CFAP251: variants seen among roughly 807,000 people sequenced by gnomAD.
CFAP251 encodes the protein cilia and flagella associated protein 251, also known as cilia- and flagella-associated protein 251.
CFAP251 carries 93 observed loss-of-function variants against 126.7 expected under a neutral mutation model. The ratio of observed to expected loss-of-function variants is 0.73; its 90% CI spans 0.62 to 0.87. CFAP251 has a LOEUF of 0.87. Ranked by LOEUF, CFAP251 falls within the 40% of genes least tolerant of loss-of-function variation. The pLI is 0.00. For synonymous variants in CFAP251, 503 were observed against 506.9 expected (o/e 0.99, Z 0.10); for missense variants, 1,287 against 1,389.2 (o/e 0.93, Z 1.17).
At chr12:121,957,703 C>CAAAAA (rs11416000) in intron 11 of CFAP251, among the ~76,000 whole-genome samples, 1 of 110,926 alleles carries the variant, frequency 9.0e-6, no homozygotes, top group African/African-American at 3.5e-5. Context: ...GACTCTGTCT[C>CAAAAA]AAAAAAAAAA....
At chr12:121,961,071 TCACTAA>T (rs2135785003) in intron 14 of CFAP251, among the ~76,000 whole-genome samples, 1 of 152,168 alleles carries the variant, frequency 6.6e-6, no homozygotes, top group Admixed American at 6.5e-5. Flanking sequence ...GGGCTGACAC[TCACTAA>T]CACTGTCTTC....
chr12:121,967,875 C>T (rs1362521702), intron 16 of CFAP251, 131 bp from the exon 17 acceptor site: 2 of 838,140 alleles, frequency 2.4e-6, no homozygotes, highest in African/African-American at 3.4e-5. Flanking sequence ...ATGTGGCTCT[C>T]ACACTCAGAG....
chr12:121,946,554 T>C lies in CFAP251; in HGVS notation c.1192-2430T>C, dbSNP rs79129447. 1.3e-3 allele frequency among the ~76,000 whole-genome samples: 195 copies of C among 152,304 alleles called. 5 individuals carry two copies. In the East Asian group the frequency reaches 0.035, roughly 28 times the overall value. ...CTCTCTCCTTGGCCCCCAGCTGATT[T>C]TACAGATTTTTCCCTTGGTTTTCAG... On this transcript the variant is annotated intron_variant, in intron 7 of 21. Transcript: ENST00000288912.
chr12:121,959,193 T>A (rs1435629027), intron 13 of CFAP251, 99 bp downstream of exon 13: 1 of 1,275,254 alleles, frequency 7.8e-7, no homozygotes, highest in Non-Finnish European at 1.1e-6. Flanking sequence ...TCCCAATGAT[T>A]TGGGAGGCCG....
chr12:121,975,663 G>C lies in CFAP251; in HGVS notation c.2984G>C (p.Gly995Ala). 1 of 1,587,060 alleles carries C rather than the reference G, an allele frequency of 6.3e-7. No individual in the cohort carries two copies. Among genetic ancestry groups the C allele is most frequent in the South Asian group, 1.2e-5 (1 of 86,114 alleles). The change falls in exon 19 of 22, where the codon GGC (glycine) becomes GCC (alanine). Residue 995 changes from glycine to alanine, a missense_variant. By Grantham distance (60) the Gly-to-Ala change is moderately conservative. Transcript: ENST00000288912. ...SELPFVMRAIGFYPSEEKIDD... is the reference protein window; with the variant it reads ...SELPFVMRAIAFYPSEEKIDD... The stretch of plus-strand genomic sequence containing the variant: ...CTTCCTTTTGTCATGAGAGCAATTG[G>C]CTTTTACCCATCTGAAGAGAAGGTA...
At chr12:121,933,022 T>C (rs1216153639) in intron 4 of CFAP251, 1 of 152,286 alleles carries the variant, frequency 6.6e-6, no homozygotes, top group African/African-American at 2.4e-5. Context: ...GTTTCACAAA[T>C]AGTTATAGCT....
intron 5 of CFAP251, among the ~76,000 whole-genome samples, chr12:121,934,830 AGGG>A (rs1866847969): frequency 6.6e-6 from 1 of 152,222 alleles, no homozygotes; most frequent in Non-Finnish European, 1.5e-5. Context: ...TAGTACAGAC[AGGG>A]TCTCGCTCCA....
At chr12:121,978,494 T>TA (rs1882538328) in intron 19 of CFAP251, among the ~76,000 whole-genome samples, 1 of 150,206 alleles carries the variant, frequency 6.7e-6, no homozygotes, top group Non-Finnish European at 1.5e-5. Flanking sequence ...AATAGAATTA[T>TA]AAAGAAGAAA....
At chr12:121,929,744 C>T (rs562214637) in intron 3 of CFAP251, among the ~76,000 whole-genome samples, 1 of 151,328 alleles carries the variant, frequency 6.6e-6, no homozygotes, top group Non-Finnish European at 1.5e-5. Flanking sequence ...ATGGCGTGAT[C>T]TCAGCTTGCT....
At chr12:121,950,382 T>G (rs533163472) in intron 8 of CFAP251, 1 of 152,164 alleles carries the variant, frequency 6.6e-6, no homozygotes, top group Non-Finnish European at 1.5e-5. Context: ...TGGATCTAGA[T>G]GGTTGCTCAG....
intron 19 of CFAP251, among the ~76,000 whole-genome samples, chr12:121,983,338 A>C (rs563846900): frequency 1.5e-5 from 2 of 132,408 alleles, no homozygotes; most frequent in African/African-American, 5.0e-5. Context: ...AGGCTGCAGC[A>C]TGCTATGATC....
chr12:121,999,982 G>T, intron 20 of CFAP251, 38 bp downstream of exon 20: 3 of 1,549,944 alleles, frequency 1.9e-6, no homozygotes, highest in Non-Finnish European at 2.7e-6. Context: ...AACATCCTGG[G>T]GCCATTCCCA....
At chr12:121,986,640 C>CTGAA (rs1438242132) in intron 19 of CFAP251, among the ~76,000 whole-genome samples, 1 of 149,452 alleles carries the variant, frequency 6.7e-6, no homozygotes, top group Admixed American at 6.6e-5. Flanking sequence ...TGGCTCACGC[C>CTGAA]TGAAGTCCCA....
chr12:121,993,113 G>T (rs1436249401), intron 19 of CFAP251, among the ~76,000 whole-genome samples: 4 of 140,100 alleles, frequency 2.9e-5, no homozygotes, highest in Non-Finnish European at 3.1e-5. Flanking sequence ...GAGTGCCTGC[G>T]ATTGCAGGCA....
At chr12:121,942,874 T>C (rs769500489) in intron 6 of CFAP251, 21 bp from the exon 7 acceptor site, 94 of 1,613,440 alleles carry the variant, frequency 5.8e-5, no homozygotes, top group Non-Finnish European at 7.5e-5. Context: ...CTCATGCCCC[T>C]CTCTCTACTG....
chr12:121,952,071 G>A (rs779751194), intron 9 of CFAP251, among the ~76,000 whole-genome samples: 1 of 151,546 alleles, frequency 6.6e-6, no homozygotes, highest in African/African-American at 2.4e-5. Context: ...ATATAAAAAC[G>A]TGATGGCTTT....
intron 19 of CFAP251, among the ~76,000 whole-genome samples, chr12:121,993,972 TGGGGG>T (rs1402737647): frequency 3.1e-5 from 1 of 32,394 alleles, no homozygotes; most frequent in Admixed American, 2.9e-4. Context: ...GGGAGGGAGG[TGGGGG>T]GGTCAGCCCC....
At position 121,999,903 on chromosome 12, in the gene CFAP251, C is replaced by A. The variant is rs777437468; in HGVS notation, c.3194C>A (p.Ala1065Asp). 2 of 1,613,848 alleles carry A rather than the reference C, an allele frequency of 1.2e-6. No homozygotes were observed. Among genetic ancestry groups the A allele is most frequent in the Non-Finnish European group, 1.7e-6 (2 of 1,179,854 alleles). ...TATACCAACTCCAAAGGGAAAAAGG[C>A]CATTCGAAGAGAGGACTTCCTGAGA... ...LGYTNSKGKKAIRREDFLRLL... is the reference protein window; with the variant it reads ...LGYTNSKGKKDIRREDFLRLL... Residue 1065 changes from alanine (A) to aspartate (D), a missense_variant, in exon 20 of 22, where the codon GCC (alanine) becomes GAC (aspartate). Transcript: ENST00000288912.
intron 17 of CFAP251, among the ~76,000 whole-genome samples, chr12:121,968,493 G>A (rs562087982): frequency 2.0e-5 from 3 of 152,228 alleles, no homozygotes; most frequent in East Asian, 3.9e-4. Context: ...CATATACTAC[G>A]GAAATAGTAA....
Sources: allele counts gnomAD v4.1 joint callset (sites outside exome capture counted in the v4.1 genomes callset), GRCh38; gene constraint gnomAD v4.1.1; transcripts MANE v1.5; gene names NCBI Gene and HGNC (gene_info 2026-07-23, HGNC 2026-07-21).